PIK3AP1: variants seen among roughly 807,000 people sequenced by gnomAD.
The protein encoded by PIK3AP1 is phosphoinositide 3-kinase adapter protein 1.
PIK3AP1 carries 21 observed loss-of-function variants against 88.1 expected under a neutral mutation model. The observed-to-expected ratio is 0.24, with a 90% CI of 0.17 to 0.34. PIK3AP1 has a LOEUF of 0.34. Ranked by LOEUF, PIK3AP1 falls within the 10% of genes least tolerant of loss-of-function variation. The pLI is 1.00. For synonymous variants in PIK3AP1, 398 were observed against 400.0 expected, an observed-to-expected ratio of 1.00 and a Z score of 0.06; for missense variants, 828 against 1,035.7, an observed-to-expected ratio of 0.80 and a Z score of 2.75.
chr10:96,660,839 G>A (rs1473826995), intron 2 of PIK3AP1, among the ~76,000 whole-genome samples: 1 of 152,102 alleles, frequency 6.6e-6, no homozygotes, highest in East Asian at 1.9e-4. Flanking sequence ...AAATGAGCAG[G>A]CAAGCCCTGA....
At chr10:96,618,402 T>C (rs914771414) in intron 12 of PIK3AP1, among the ~76,000 whole-genome samples, 1 of 152,166 alleles carries the variant, frequency 6.6e-6, no homozygotes, top group Non-Finnish European at 1.5e-5. Context: ...GACACGTAAA[T>C]TATGTTCCCA....
chr10:96,632,877 T>C, intron 8 of PIK3AP1: 1 of 1,611,596 alleles, frequency 6.2e-7, no homozygotes, highest in South Asian at 1.1e-5. Context: ...CAATCGAACA[T>C]TCAGACTCAC....
intron 12 of PIK3AP1, chr10:96,618,704 G>A (rs1407878607): frequency 6.6e-6 from 1 of 152,200 alleles, no homozygotes; most frequent in Admixed American, 6.5e-5. Context: ...TTTCATATGA[G>A]GCACAGCAAG....
chr10:96,709,836 G>A lies in PIK3AP1; in HGVS notation c.161C>T (p.Ser54Leu), dbSNP rs948872927. The change falls in exon 2 of 17, where the codon TCG becomes TTG. Residue 54 changes from serine to leucine, a missense_variant. Coordinates refer to ENST00000339364, the MANE Select transcript of PIK3AP1 (RefSeq NM_152309.3). ...GAGGAAAAGGCTTAGGTCCTCTGCCGAGAAGGAGGCCTCGGGGCCCAGCCT... is the reference window on the plus strand; with the variant it reads ...GAGGAAAAGGCTTAGGTCCTCTGCCAAGAAGGAGGCCTCGGGGCCCAGCCT... ...THRLGPEASFSAEDLSLFLST... is the reference protein window; with the variant it reads ...THRLGPEASFLAEDLSLFLST... 9.3e-6 allele frequency: 15 copies of A among 1,613,858 alleles called. No individual in the cohort carries two copies. Among genetic ancestry groups the A allele is most frequent in the East Asian group, 2.2e-5 (1 of 44,890 alleles).
chr10:96,630,169 A>G (rs1041530597), intron 8 of PIK3AP1, among the ~76,000 whole-genome samples: 3 of 152,186 alleles, frequency 2.0e-5, no homozygotes, highest in Non-Finnish European at 2.9e-5. Context: ...AAAAACACAC[A>G]AACAAAAAAC....
intron 2 of PIK3AP1, among the ~76,000 whole-genome samples, chr10:96,706,039 G>A (rs1390714432): frequency 2.0e-5 from 3 of 151,466 alleles, no homozygotes; most frequent in Admixed American, 1.3e-4. Flanking sequence ...GACTACAGGC[G>A]CCCGCCACCT....
chr10:96,677,705 G>A (rs571222016), intron 2 of PIK3AP1, among the ~76,000 whole-genome samples: 38 of 152,004 alleles, frequency 2.5e-4, no homozygotes, highest in Middle Eastern at 6.8e-3. Context: ...TATGAAGTGA[G>A]ACAACACACT....
At position 96,720,304 on chromosome 10, in the gene PIK3AP1, G is replaced by A. The variant is rs886240699; in HGVS notation, c.13+78C>T. The A allele has an allele frequency of 3.3e-6, 4 of 1,220,248 alleles. No homozygotes were observed. Among genetic ancestry groups the A allele is most frequent in the African/African-American group, 1.6e-5 (1 of 63,910 alleles). The allele number at this position is 1,220,248 out of a possible 1,614,324, so 75.6% of individuals were successfully genotyped here. ...ACAGAGGACGCAAACAGAAGCAAGCGGGGGAGCGCGCCTCAAGGGATGCGG... is the reference window on the plus strand; with the variant it reads ...ACAGAGGACGCAAACAGAAGCAAGCAGGGGAGCGCGCCTCAAGGGATGCGG... On this transcript the variant is annotated intron_variant, in intron 1 of 16. Coordinates refer to ENST00000339364, the MANE Select transcript of PIK3AP1 (RefSeq NM_152309.3). The surrounding 1 kb of genome is among the most constrained non-coding windows in gnomAD (Gnocchi z 4.6).
At chr10:96,610,433 C>G (rs1849087063) in intron 13 of PIK3AP1, among the ~76,000 whole-genome samples, 2 of 152,036 alleles carry the variant, frequency 1.3e-5, no homozygotes, top group African/African-American at 4.8e-5. Context: ...TCCTGTCGAA[C>G]AGTTGGTAAG....
intron 14 of PIK3AP1, among the ~76,000 whole-genome samples, chr10:96,608,254 C>G (rs1461560400): frequency 6.6e-6 from 1 of 152,246 alleles, no homozygotes; most frequent in Non-Finnish European, 1.5e-5. Flanking sequence ...GGTTCTACCA[C>G]TTTCCTCCTC....
chr10:96,702,535 C>T lies in PIK3AP1; in HGVS notation c.430+7032G>A, dbSNP rs374780417. 3.2e-4 allele frequency among the ~76,000 whole-genome samples: 48 copies of T among 150,410 alleles called. 1 individual carries two copies. The East Asian group carries it at 6.2e-3, about 20-fold the overall frequency. Reference sequence around the variant, plus strand: ...AAAAGAATAAACTCTGAGCATCTAACGTACAGCATGGTGATTATAGTTAAT... The same window carrying T: ...AAAAGAATAAACTCTGAGCATCTAATGTACAGCATGGTGATTATAGTTAAT... On this transcript the variant is annotated intron_variant, in intron 2 of 16. Transcript: ENST00000339364.
chr10:96,702,236 C>T (rs1415829625), intron 2 of PIK3AP1, among the ~76,000 whole-genome samples: 1 of 152,168 alleles, frequency 6.6e-6, no homozygotes, highest in Admixed American at 6.5e-5. Flanking sequence ...CGCGGTGGCT[C>T]ATGCCTGTAA....
intron 12 of PIK3AP1, among the ~76,000 whole-genome samples, chr10:96,617,446 AG>A (rs1049054615): frequency 6.6e-6 from 1 of 152,172 alleles, no homozygotes; most frequent in African/African-American, 2.4e-5. Flanking sequence ...CAAACTGGAA[AG>A]GGGGGTTGGT....
intron 7 of PIK3AP1, among the ~76,000 whole-genome samples, chr10:96,647,201 A>G (rs1222826594): frequency 1.3e-5 from 2 of 152,232 alleles, no homozygotes; most frequent in African/African-American, 4.8e-5. Flanking sequence ...TGCATCTTTA[A>G]ACATCCCAGT....
At chr10:96,719,744 AC>A (rs1844547226) in intron 1 of PIK3AP1, among the ~76,000 whole-genome samples, 1 of 152,132 alleles carries the variant, frequency 6.6e-6, no homozygotes. Flanking sequence ...GACGCTTGGC[AC>A]CCTTTGATGA....
chr10:96,633,608 C>G lies in PIK3AP1; in HGVS notation c.1376-5115G>C, dbSNP rs1407379565. Reference sequence around the variant, plus strand: ...TTTATTGTTAAATTCTATACCCAGGCTAATGTCCTAAACAGAGAACAATTC... The same window carrying G: ...TTTATTGTTAAATTCTATACCCAGGGTAATGTCCTAAACAGAGAACAATTC... On this transcript the variant is annotated intron_variant, in intron 8 of 16. Transcript: ENST00000339364. 2.0e-5 allele frequency among the ~76,000 whole-genome samples: 3 copies of G among 152,164 alleles called. No homozygotes were observed. The East Asian group carries it at 5.8e-4, about 29-fold the overall frequency.
At chr10:96,663,022 T>G (rs1309557239) in intron 2 of PIK3AP1, among the ~76,000 whole-genome samples, 2 of 151,612 alleles carry the variant, frequency 1.3e-5, no homozygotes, top group African/African-American at 4.9e-5. Context: ...AACATTATGC[T>G]AAGTGAAAGA....
Position 96,637,314 on chromosome 10 carries a change from TCACACACACACACACACA to T in PIK3AP1, c.1375+8141_1375+8158del, listed in dbSNP as rs55885337. On this transcript the variant is annotated intron_variant, in intron 8 of 16. Coordinates refer to ENST00000339364, the MANE Select transcript of PIK3AP1 (RefSeq NM_152309.3). The stretch of plus-strand genomic sequence containing the variant: ...AGGAAGATGTGGGAGAGATATACAA[TCACACACACACACACACA>T]CACACACACACACACACACACACAC... Among the ~76,000 whole-genome samples, 30 of 128,080 alleles carry T rather than the reference TCACACACACACACACACA, an allele frequency of 2.3e-4. No individual in the cohort carries two copies. The East Asian group carries it at 2.5e-3, about 11-fold the overall frequency. The allele number at this position is 128,080 out of a possible 152,430, so 84.0% of individuals were successfully genotyped here. A position where few individuals can be genotyped will look rare whatever the true frequency, so the allele number is the denominator to read the frequency against.
chr10:96,669,253 C>T (rs1843808606), intron 2 of PIK3AP1, among the ~76,000 whole-genome samples: 1 of 152,190 alleles, frequency 6.6e-6, no homozygotes. Context: ...TTACGATGTT[C>T]ATTCATCCTA....
Sources: allele counts gnomAD v4.1 joint callset (sites outside exome capture counted in the v4.1 genomes callset), GRCh38; gene constraint gnomAD v4.1.1; non-coding constraint Gnocchi (gnomAD v3.1); transcripts MANE v1.5; gene names NCBI Gene and HGNC (gene_info 2026-07-23, HGNC 2026-07-21).